The following SLC9A9 variants were observed in gnomAD, a reference collection of about 807,000 sequenced individuals.
SLC9A9 encodes sodium/hydrogen exchanger 9.
A neutral mutation model predicts 77.8 loss-of-function variants in SLC9A9; 62 were observed. The observed-to-expected ratio is 0.80, with a 90% CI of 0.65 to 0.98. SLC9A9 has a LOEUF of 0.98. Ranked by LOEUF, SLC9A9 falls within the 50% of genes least tolerant of loss-of-function variation. The probability of loss-of-function intolerance (pLI) is 0.00; values close to 1 mark genes in which losing one functional copy is unlikely to be tolerated. For missense variants in SLC9A9, 775 were observed against 774.9 expected (o/e 1.00, Z 0.00); for synonymous variants, 320 against 283.5 (o/e 1.13, Z -1.29).
chr3:143,622,730 A>C (rs557990651), intron 6 of SLC9A9, among the ~76,000 whole-genome samples: 1 of 152,338 alleles, frequency 6.6e-6, no homozygotes, highest in East Asian at 1.9e-4. Flanking sequence ...TAACCAGCTA[A>C]CATCACAATG....
At chr3:143,483,573 AC>A (rs2035607580) in intron 11 of SLC9A9, among the ~76,000 whole-genome samples, 1 of 152,230 alleles carries the variant, frequency 6.6e-6, no homozygotes, top group Non-Finnish European at 1.5e-5. Context: ...GAAAAATAAT[AC>A]AAAATATCTT....
intron 2 of SLC9A9, among the ~76,000 whole-genome samples, chr3:143,811,967 C>T (rs999700567): frequency 2.0e-5 from 3 of 151,806 alleles, no homozygotes; most frequent in Non-Finnish European, 4.4e-5. Flanking sequence ...ATATGAGGCA[C>T]AAGGAACACC....
At position 143,362,117 on chromosome 3, in the gene SLC9A9, T is replaced by C. The variant is rs980534752; in HGVS notation, c.1604+1367A>G. On this transcript the variant is annotated intron_variant, in intron 14 of 15. Coordinates refer to ENST00000316549, the MANE Select transcript of SLC9A9 (RefSeq NM_173653.4). ...AGCAATAACTTTCTAAGAACGAGCT[T>C]CCCTTAGAGAGACCAGAAAGTCTTC... 2.6e-5 allele frequency among the ~76,000 whole-genome samples: 4 copies of C among 152,152 alleles called. No individual in the cohort carries two copies. In the East Asian group the frequency reaches 7.7e-4, roughly 29 times the overall value.
intron 5 of SLC9A9, among the ~76,000 whole-genome samples, chr3:143,663,377 T>C (rs981916642): frequency 6.6e-6 from 1 of 152,220 alleles, no homozygotes; most frequent in African/African-American, 2.4e-5. Flanking sequence ...GCAGAAAAGC[T>C]GAAATTTCTT....
At chr3:143,795,298 A>AAAAAAAAAAC (rs773512846) in intron 3 of SLC9A9, among the ~76,000 whole-genome samples, 1 of 140,212 alleles carries the variant, frequency 7.1e-6, no homozygotes, top group African/African-American at 2.6e-5. Context: ...AAAAAAAAAA[A>AAAAAAAAAAC]AACCCACTGG....
chr3:143,523,805 A>G (rs760667529), intron 9 of SLC9A9, among the ~76,000 whole-genome samples: 7 of 152,216 alleles, frequency 4.6e-5, no homozygotes, highest in Non-Finnish European at 7.4e-5. Context: ...CATTGTGAAT[A>G]TTCTCTATAC....
At chr3:143,587,849 C>T (rs1329839275) in intron 6 of SLC9A9, among the ~76,000 whole-genome samples, 1 of 152,058 alleles carries the variant, frequency 6.6e-6, no homozygotes, top group Non-Finnish European at 1.5e-5. Flanking sequence ...AACAGCAGAC[C>T]ACAGGAAATA....
chr3:143,764,159 T>C (rs1243522645), intron 4 of SLC9A9, among the ~76,000 whole-genome samples: 3 of 152,136 alleles, frequency 2.0e-5, no homozygotes, highest in Non-Finnish European at 4.4e-5. Flanking sequence ...TTTCTTCTAG[T>C]TGTTAATTCT....
chr3:143,747,797 C>T (rs1935230739), intron 4 of SLC9A9, among the ~76,000 whole-genome samples: 1 of 152,206 alleles, frequency 6.6e-6, no homozygotes, highest in South Asian at 2.1e-4. Context: ...TTGTTTTAAA[C>T]TTCCACATTT....
intron 14 of SLC9A9, among the ~76,000 whole-genome samples, chr3:143,294,535 A>G (rs2030163417): frequency 6.6e-6 from 1 of 152,266 alleles, no homozygotes; most frequent in Non-Finnish European, 1.5e-5. Context: ...TGAGGAAATC[A>G]ACTGGATCCT....
At chr3:143,385,836 T>C (rs1017422740) in intron 12 of SLC9A9, among the ~76,000 whole-genome samples, 1 of 152,344 alleles carries the variant, frequency 6.6e-6, no homozygotes, top group Middle Eastern at 3.4e-3. Context: ...TCTGCTCACC[T>C]GATCTGGACA....
intron 6 of SLC9A9, among the ~76,000 whole-genome samples, chr3:143,579,376 T>C (rs1455284740): frequency 6.6e-6 from 1 of 152,200 alleles, no homozygotes; most frequent in African/African-American, 2.4e-5. Context: ...CCAACAGATT[T>C]ATTTCCATAG....
At chr3:143,377,217 T>C (rs983061508) in intron 13 of SLC9A9, among the ~76,000 whole-genome samples, 3 of 152,232 alleles carry the variant, frequency 2.0e-5, no homozygotes, top group African/African-American at 7.2e-5. Flanking sequence ...ATAAGAACTA[T>C]CAATTGTGCA....
At chr3:143,597,173 CACCTCCACTTATTATAT>C (rs2037768474) in intron 6 of SLC9A9, among the ~76,000 whole-genome samples, 1 of 152,188 alleles carries the variant, frequency 6.6e-6, no homozygotes, top group Non-Finnish European at 1.5e-5. Context: ...CGCAGGCACA[CACCTCCACTTATTATAT>C]AGCCTGTTCG....
chr3:143,680,923 A>G (rs1933068981), intron 5 of SLC9A9, among the ~76,000 whole-genome samples: 1 of 152,192 alleles, frequency 6.6e-6, no homozygotes, highest in Admixed American at 6.5e-5. Flanking sequence ...AAGCCCCAGA[A>G]GATATCAGAG....
Position 143,796,954 on chromosome 3 carries a change from T to TA in SLC9A9, c.379-52dup, listed in dbSNP as rs777565243. 6.3e-6 allele frequency: 9 copies of TA among 1,423,896 alleles called. No individual in the cohort carries two copies. The East Asian group carries it at 6.9e-5, about 11-fold the overall frequency. 88.2% of individuals were successfully genotyped at this position (1,423,896 alleles called of 1,614,324 possible). A position where few individuals can be genotyped will look rare whatever the true frequency, so the allele number is the denominator to read the frequency against. ...TTAGAATGATGCTCCTTTGGGTCAT[T>TA]AAAAAAACATGTTTCAAAAAACAGT... On this transcript the variant is annotated intron_variant, in intron 2 of 15. Transcript: ENST00000316549.
At chr3:143,754,995 C>T (rs762705059) in intron 4 of SLC9A9, among the ~76,000 whole-genome samples, 15 of 152,240 alleles carry the variant, frequency 9.9e-5, no homozygotes, top group South Asian at 2.1e-4. Flanking sequence ...TTATAGCACC[C>T]GGACAAATGG....
chr3:143,370,943 C>T (rs1054122143), intron 13 of SLC9A9, among the ~76,000 whole-genome samples: 1 of 152,016 alleles, frequency 6.6e-6, no homozygotes, highest in South Asian at 2.1e-4. Flanking sequence ...GCCTGTAAGT[C>T]ATTCTCTTGA....
rs150968005 is a variant in SLC9A9 at position 143,480,556 on chromosome 3, A to C, written c.1315+13097T>G. Among the ~76,000 whole-genome samples, 184 of 152,208 alleles carry C rather than the reference A, an allele frequency of 1.2e-3. 1 individual carries two copies. The highest frequency in any genetic ancestry group is 3.7e-3 in the African/African-American group (155 of 41,528). ...TTTTTTTGTGGCTCATTTCCTGCAT[A>C]AGCTGGTTAACCCTATCCCATCTGG... On this transcript the variant is annotated intron_variant, in intron 11 of 15. Coordinates refer to ENST00000316549, the MANE Select transcript of SLC9A9 (RefSeq NM_173653.4).
Sources: gnomAD v4.1 joint callset for allele counts (sites outside exome capture counted in the v4.1 genomes callset) on GRCh38, gnomAD v4.1.1 for gene constraint, MANE v1.5 for transcripts, NCBI Gene and HGNC (gene_info 2026-07-23, HGNC 2026-07-21) for gene names.